Variants in GALM observed in about 807,000 individuals in gnomAD.
GALM encodes galactose mutarotase.
In GALM, 43 loss-of-function variants were observed where a neutral mutation model predicts 37.4. That is an observed-to-expected ratio of 1.15 (90% CI 0.90 to 1.48). The LOEUF is 1.48. Ranked by LOEUF, GALM falls within the 40% of genes most tolerant of loss-of-function variation. The pLI is 0.00. For synonymous variants in GALM, 199 were observed against 170.6 expected (o/e 1.17, Z -1.30); for missense variants, 456 against 419.1 (o/e 1.09, Z -0.77).
intron 6 of GALM, among the ~76,000 whole-genome samples, chr2:38,732,581 T>G (rs891791859): frequency 1.3e-5 from 2 of 152,204 alleles, no homozygotes; most frequent in Non-Finnish European, 2.9e-5. Flanking sequence ...CTTTTCTGGT[T>G]GTTACCCAGA....
At chr2:38,677,085 A>G (rs531331119) in intron 2 of GALM, among the ~76,000 whole-genome samples, 2 of 152,222 alleles carry the variant, frequency 1.3e-5, no homozygotes, top group African/African-American at 4.8e-5. Flanking sequence ...AGGAAAGCAA[A>G]TTGATCGAAC....
intron 4 of GALM, among the ~76,000 whole-genome samples, chr2:38,723,250 C>T (rs1046159833): frequency 6.6e-6 from 1 of 152,024 alleles, no homozygotes; most frequent in Admixed American, 6.6e-5. Context: ...GTTGAGAGGC[C>T]GGGGGAAAAG....
At chr2:38,729,439 T>C in intron 4 of GALM, 117 bp from the exon 5 acceptor site, 1 of 758,228 alleles carries the variant, frequency 1.3e-6, no homozygotes, top group Non-Finnish European at 2.0e-6. Flanking sequence ...GGCTCCCATC[T>C]CCTTAACAAA....
chr2:38,721,293 A>G (rs1429351300), intron 4 of GALM, among the ~76,000 whole-genome samples: 1 of 152,226 alleles, frequency 6.6e-6, no homozygotes, highest in South Asian at 2.1e-4. Context: ...TGTGACAGAG[A>G]TCTGGAATGT....
At position 38,729,551 on chromosome 2, in the gene GALM, A is replaced by T. The variant is rs1321063139; in HGVS notation, c.635-5A>T. On this transcript the variant is annotated splice_region_variant and splice_polypyrimidine_tract_variant and intron_variant, in intron 4 of 6. Transcript: ENST00000272252. ...TCACCTTTGTTTTCTGTCTCTTCCC[A>T]TCAGGAGAAGTTGCCCCAGTGCAAG... is the stretch of plus-strand genomic sequence containing the variant. 6.2e-7 allele frequency: 1 copy of T among 1,612,566 alleles called. No individual in the cohort carries two copies. Among genetic ancestry groups the T allele is most frequent in the Non-Finnish European group, 8.5e-7 (1 of 1,179,254 alleles).
At chr2:38,675,542 TTTGTGTGTGTG>T (rs1665234710) in intron 1 of GALM, among the ~76,000 whole-genome samples, 5 of 79,612 alleles carry the variant, frequency 6.3e-5, no homozygotes, top group African/African-American at 2.3e-4. Flanking sequence ...TTTTTTTTTT[TTTGTGTGTGTG>T]TGTGTGTGTG....
At chr2:38,708,477 C>G (rs1366357187) in intron 4 of GALM, among the ~76,000 whole-genome samples, 4 of 152,054 alleles carry the variant, frequency 2.6e-5, no homozygotes, top group African/African-American at 9.7e-5. Flanking sequence ...CACAGTGGCT[C>G]AAGCCTGTAA....
rs753333770 is a variant in GALM, at chr2:38,675,524, TTGTTTTTTTTTTTTTTTTTTGTGTGTGTG to T, written c.191-384_191-356del. 2.1e-3 allele frequency among the ~76,000 whole-genome samples: 208 copies of T among 96,866 alleles called. 1 individual carries two copies. Among genetic ancestry groups the T allele is most frequent in the South Asian group, 7.7e-3 (18 of 2,330 alleles). The allele number at this position is 96,866 out of a possible 152,430, so 63.5% of individuals were successfully genotyped here. On this transcript the variant is annotated intron_variant, in intron 1 of 6. Coordinates refer to ENST00000272252, the MANE Select transcript of GALM (RefSeq NM_138801.3). ...ACACACCTTTGGATTGAGGGTTTTT[TTGTTTTTTTTTTTTTTTTTTGTGTGTGTG>T]TGTGTGTGTGTGTGTGTGTGTGTGT...
intron 4 of GALM, among the ~76,000 whole-genome samples, chr2:38,722,477 C>A (rs908710113): frequency 2.0e-5 from 3 of 152,194 alleles, no homozygotes; most frequent in South Asian, 4.1e-4. Flanking sequence ...CCTCATCTGC[C>A]AGGCACTGCT....
At chr2:38,671,839 A>G (rs1665112421) in intron 1 of GALM, among the ~76,000 whole-genome samples, 1 of 152,070 alleles carries the variant, frequency 6.6e-6, no homozygotes, top group African/African-American at 2.4e-5. Context: ...AAAAAATACA[A>G]AAAGTATCCA....
rs1003731001 is a variant in GALM at position 38,676,883 on chromosome 2, A to G, written c.345+817A>G. ...AGCTGCTGGTGTCCACCCAGGCTGC[A>G]TGGGTGCCCCCGTCCAACATGCTTC... On this transcript the variant is annotated intron_variant, in intron 2 of 6. Transcript: ENST00000272252. Among the ~76,000 whole-genome samples, 7 of 152,236 alleles carry G rather than the reference A, an allele frequency of 4.6e-5. No homozygotes were observed. In the South Asian group the frequency reaches 6.2e-4, roughly 13 times the overall value.
intron 1 of GALM, among the ~76,000 whole-genome samples, chr2:38,675,068 A>G (rs910258071): frequency 7.2e-5 from 11 of 152,110 alleles, no homozygotes; most frequent in African/African-American, 2.7e-4. Flanking sequence ...CCAGCTACTC[A>G]GGAGGCTGAG....
chr2:38,733,634 GAAGATT>G lies in GALM; in HGVS notation c.*74_*79del. 1 of 1,074,118 alleles carries G rather than the reference GAAGATT, an allele frequency of 9.3e-7. No homozygotes were observed. The highest frequency in any genetic ancestry group is 1.4e-6 in the Non-Finnish European group (1 of 690,110). The allele number at this position is 1,074,118 out of a possible 1,614,324, so 66.5% of individuals were successfully genotyped here. ...CCTGTCTCCTGTCCAGAAAAAAGGT[GAAGATT>G]AAGAAGCTTTCAGAATGATTCTATG... On this transcript the variant is annotated 3_prime_UTR_variant, in exon 7 of 7. Coordinates refer to ENST00000272252, the MANE Select transcript of GALM (RefSeq NM_138801.3).
At chr2:38,697,715 C>T (rs1289811858) in intron 4 of GALM, among the ~76,000 whole-genome samples, 1 of 152,084 alleles carries the variant, frequency 6.6e-6, no homozygotes, top group Admixed American at 6.6e-5. Context: ...GTCCTGTCCT[C>T]CATTTTGTTA....
chr2:38,694,321 CAAA>C (rs1371214124), intron 4 of GALM, among the ~76,000 whole-genome samples: 2 of 152,168 alleles, frequency 1.3e-5, no homozygotes, highest in African/African-American at 4.8e-5. Flanking sequence ...TAAGCCAAAA[CAAA>C]GAACAGACTT....
At chr2:38,718,018 CAG>C (rs2148452772) in intron 4 of GALM, among the ~76,000 whole-genome samples, 1 of 150,008 alleles carries the variant, frequency 6.7e-6, no homozygotes, top group South Asian at 2.2e-4. Context: ...CTGTTTTTTG[CAG>C]AGACGGGGAT....
chr2:38,679,135 A>G (rs1428844588), intron 2 of GALM, among the ~76,000 whole-genome samples: 1 of 152,040 alleles, frequency 6.6e-6, no homozygotes, highest in Non-Finnish European at 1.5e-5. Flanking sequence ...TACAGGCATG[A>G]GCCACCATAC....
intron 6 of GALM, 63 bp from the exon 7 acceptor site, chr2:38,733,425 C>A: frequency 7.2e-7 from 1 of 1,383,094 alleles, no homozygotes; most frequent in Non-Finnish European, 1.0e-6. Flanking sequence ...CAGAAGCACA[C>A]CCAAATGGTT....
chr2:38,732,961 C>T (rs1479121652), intron 6 of GALM, among the ~76,000 whole-genome samples: 1 of 150,834 alleles, frequency 6.6e-6, no homozygotes, highest in African/African-American at 2.4e-5. Context: ...TGGCTCACAC[C>T]TGTAATCCCA....
Sources: gnomAD v4.1 joint callset for allele counts (sites outside exome capture counted in the v4.1 genomes callset) on GRCh38, gnomAD v4.1.1 for gene constraint, MANE v1.5 for transcripts, NCBI Gene and HGNC (gene_info 2026-07-23, HGNC 2026-07-21) for gene names.